CYB5A: variants seen among roughly 807,000 people sequenced by gnomAD.
CYB5A encodes cytochrome b5.
In CYB5A, 10 loss-of-function variants were observed where a neutral mutation model predicts 16.2. The observed-to-expected ratio is 0.62, with a 90% CI of 0.38 to 1.04. The LOEUF (loss-of-function observed/expected upper bound fraction) is 1.04. Ranked by LOEUF, CYB5A falls within the 50% of genes least tolerant of loss-of-function variation. The probability of loss-of-function intolerance (pLI) is 0.01; values close to 1 mark genes in which losing one functional copy is unlikely to be tolerated. For synonymous variants in CYB5A, 62 were observed against 57.0 expected (o/e 1.09, Z -0.40); for missense variants, 161 against 165.9 (o/e 0.97, Z 0.16).
At chr18:74,286,390 T>C (rs1389289642) in intron 1 of CYB5A, among the ~76,000 whole-genome samples, 2 of 152,272 alleles carry the variant, frequency 1.3e-5, no homozygotes, top group African/African-American at 2.4e-5. Context: ...TTTTGTTTAC[T>C]AGTTAACACT....
At chr18:74,257,210 A>G in intron 3 of CYB5A, 1 of 297,228 alleles carries the variant, frequency 3.4e-6, no homozygotes, top group Non-Finnish European at 6.4e-6. Context: ...ACGTGCTGAC[A>G]ACTCTGGAAC....
intron 1 of CYB5A, among the ~76,000 whole-genome samples, chr18:74,271,647 C>T (rs961885011): frequency 1.3e-5 from 2 of 149,946 alleles, no homozygotes; most frequent in East Asian, 2.0e-4. Context: ...ATGTACTTAT[C>T]GTGTGTGTGT....
At chr18:74,285,892 G>T (rs1173924280) in intron 1 of CYB5A, among the ~76,000 whole-genome samples, 2 of 137,540 alleles carry the variant, frequency 1.5e-5, no homozygotes, top group Non-Finnish European at 3.2e-5. Flanking sequence ...TTTCACCCAA[G>T]AATCCCACTT....
At chr18:74,256,731 A>T (rs1981997509) in intron 3 of CYB5A, 1 of 1,075,058 alleles carries the variant, frequency 9.3e-7, no homozygotes, top group African/African-American at 1.6e-5. Context: ...GCCTGCAGTA[A>T]GGCAAGCATC....
At chr18:74,256,626 A>C in intron 3 of CYB5A, 1 of 585,094 alleles carries the variant, frequency 1.7e-6, no homozygotes, top group Non-Finnish European at 3.0e-6. Context: ...CAACATAAGC[A>C]TTAGGGCCTC....
chr18:74,268,496 A>G (rs1168973501), intron 1 of CYB5A, among the ~76,000 whole-genome samples: 1 of 152,076 alleles, frequency 6.6e-6, no homozygotes, highest in East Asian at 1.9e-4. Flanking sequence ...GAGAGAGGCC[A>G]TGGTAAGGAT....
intron 1 of CYB5A, among the ~76,000 whole-genome samples, chr18:74,276,562 A>ACACC (rs749005983): frequency 2.4e-4 from 35 of 148,092 alleles, no homozygotes; most frequent in South Asian, 1.7e-3. Context: ...ACACACACAC[A>ACACC]CCCTTCTGTC....
intron 1 of CYB5A, among the ~76,000 whole-genome samples, chr18:74,278,636 A>G (rs1234255529): frequency 2.0e-5 from 3 of 152,232 alleles, no homozygotes; most frequent in Admixed American, 1.3e-4. Context: ...GAAACATCCT[A>G]TGATAAAAAT....
At position 74,251,849 on chromosome 18, in the gene CYB5A, TTA is replaced by T. The variant is rs1284126523; in HGVS notation, c.*1733_*1734del. On this transcript the variant is annotated 3_prime_UTR_variant, in exon 5 of 5. Coordinates refer to ENST00000340533, the MANE Select transcript of CYB5A (RefSeq NM_148923.4). ...TGATAAAAATGTCAAAGTTCAACTGTTATGTTTCTTAACGATATACAGATGCT... is the reference window on the plus strand; with the variant it reads ...TGATAAAAATGTCAAAGTTCAACTGTTGTTTCTTAACGATATACAGATGCT... The T allele has an allele frequency of 6.6e-6, 1 of 152,238 alleles. No individual in the cohort carries two copies. Among genetic ancestry groups the T allele is most frequent in the East Asian group, 1.9e-4 (1 of 5,188 alleles). 9.4% of individuals were successfully genotyped at this position (152,238 alleles called of 1,614,324 possible).
chr18:74,278,765 C>T (rs1982977574), intron 1 of CYB5A, among the ~76,000 whole-genome samples: 2 of 152,204 alleles, frequency 1.3e-5, no homozygotes, highest in Non-Finnish European at 2.9e-5. Flanking sequence ...ATTTCCTCTT[C>T]TTGAAAAAGA....
At chr18:74,267,783 T>C (rs1982500930) in intron 1 of CYB5A, among the ~76,000 whole-genome samples, 1 of 152,234 alleles carries the variant, frequency 6.6e-6, no homozygotes, top group Admixed American at 6.5e-5. Context: ...AAATGGAAGC[T>C]GTGGATCCAC....
Position 74,263,360 on chromosome 18 carries a change from C to T in CYB5A, c.247G>A (p.Glu83Lys). Residue 83 changes from glutamate to lysine, a missense_variant, in exon 2 of 5, where the codon GAG becomes AAG. Glu to Lys is a moderately conservative substitution (Grantham distance 56). Transcript: ENST00000340533. The stretch of plus-strand genomic sequence containing the variant: ...CAAAATGTACTTACTGGATGGAGCT[C>T]CCCAATGATGAATGTTTTGGACATT... ...REMSKTFIIG[E>K]LHPDDRPKLN... 6.2e-7 allele frequency: 1 copy of T among 1,613,996 alleles called. No homozygotes were observed. Among genetic ancestry groups the T allele is most frequent in the Non-Finnish European group, 8.5e-7 (1 of 1,179,928 alleles).
chr18:74,287,271 T>C (rs1983357081), intron 1 of CYB5A, among the ~76,000 whole-genome samples: 1 of 152,216 alleles, frequency 6.6e-6, no homozygotes, highest in Non-Finnish European at 1.5e-5. Flanking sequence ...CAGAATACTA[T>C]CAAATTTTCT....
At chr18:74,281,908 G>A (rs1983127514) in intron 1 of CYB5A, among the ~76,000 whole-genome samples, 1 of 152,026 alleles carries the variant, frequency 6.6e-6, no homozygotes, top group Non-Finnish European at 1.5e-5. Context: ...GTGGCCTGGA[G>A]GGGCCTGGTT....
intron 1 of CYB5A, among the ~76,000 whole-genome samples, chr18:74,266,848 AAAAC>A (rs1342745934): frequency 2.5e-5 from 2 of 79,586 alleles, no homozygotes; most frequent in Admixed American, 1.2e-4. Flanking sequence ...AAAAAAAAAA[AAAAC>A]ATAGCTTAGA....
rs28467787 is a variant in CYB5A at position 74,286,678 on chromosome 18, C to T, written c.129+5069G>A. Among the ~76,000 whole-genome samples, 437 of 152,326 alleles carry T rather than the reference C, an allele frequency of 2.9e-3. 4 individuals are homozygous for T. The highest frequency in any genetic ancestry group is 9.7e-3 in the African/African-American group (404 of 41,576). On this transcript the variant is annotated intron_variant, in intron 1 of 4. Coordinates refer to ENST00000340533, the MANE Select transcript of CYB5A (RefSeq NM_148923.4). ...TAGTTTTCCTAACCCCAGCCCAGTG[C>T]TTTCCCATGAATGCCCAGCGGGACA...
rs1452169130 is a variant in CYB5A at position 74,253,239 on chromosome 18, A to G, written c.*345T>C. The G allele has an allele frequency of 2.1e-5, 7 of 326,480 alleles. No homozygotes were observed. The East Asian group carries it at 3.4e-4, about 16-fold the overall frequency. 20.2% of individuals were successfully genotyped at this position (326,480 alleles called of 1,614,324 possible). ...GTAACACATTGAAGGAATCCTCTAA[A>G]TAACCAGATTCTAAACATTAAAGAC... is the stretch of plus-strand genomic sequence containing the variant. On this transcript the variant is annotated 3_prime_UTR_variant, in exon 5 of 5. Coordinates refer to ENST00000340533, the MANE Select transcript of CYB5A (RefSeq NM_148923.4).
At chr18:74,267,161 CT>C (rs113610880) in intron 1 of CYB5A, among the ~76,000 whole-genome samples, 13,173 of 146,856 alleles carry the variant, frequency 0.09, 663 homozygotes, top group South Asian at 0.16. Context: ...GCACACATCA[CT>C]TTTTTTTTTT....
Position 74,250,862 on chromosome 18 carries a change from C to T in CYB5A, c.*2722G>A, listed in dbSNP as rs1239880389. On this transcript the variant is annotated 3_prime_UTR_variant, in exon 5 of 5. Transcript: ENST00000340533. Reference sequence around the variant, plus strand: ...AGTCCGCAGTGCAAAGTGAAAACAACTTTATTAAGAAAGTCAAGGAATAGG... The same window carrying T: ...AGTCCGCAGTGCAAAGTGAAAACAATTTTATTAAGAAAGTCAAGGAATAGG... 1.3e-5 allele frequency: 2 copies of T among 152,164 alleles called. No homozygotes were observed. The highest frequency in any genetic ancestry group is 1.9e-4 in the East Asian group (1 of 5,194). The allele number at this position is 152,164 out of a possible 1,614,324, so 9.4% of individuals were successfully genotyped here.
Sources: gnomAD v4.1 joint callset for allele counts (sites outside exome capture counted in the v4.1 genomes callset) on GRCh38, gnomAD v4.1.1 for gene constraint, MANE v1.5 for transcripts, NCBI Gene and HGNC (gene_info 2026-07-23, HGNC 2026-07-21) for gene names.